The following TBC1D5 variants were observed in gnomAD, a reference collection of about 807,000 sequenced individuals.
TBC1D5 encodes TBC1 domain family, member 5.
In TBC1D5, 75 loss-of-function variants were observed where a neutral mutation model predicts 100.3. The observed-to-expected ratio is 0.75, with a 90% CI of 0.62 to 0.91. The LOEUF is 0.91. TBC1D5 is among the 40% of genes least tolerant of loss of function. The pLI is 0.00. For synonymous variants in TBC1D5, 323 were observed against 325.6 expected, an observed-to-expected ratio of 0.99 and a Z score of 0.09; for missense variants, 910 against 942.4, an observed-to-expected ratio of 0.97 and a Z score of 0.45.
chr3:17,543,481 A>T (rs575990239), intron 2 of TBC1D5, among the ~76,000 whole-genome samples: 49 of 152,116 alleles, frequency 3.2e-4, no homozygotes, highest in African/African-American at 1.2e-3. Context: ...AAAATAAAAA[A>T]ATAAAAATTA....
chr3:17,290,079 A>G lies in TBC1D5; in HGVS notation c.1245+1816T>C, dbSNP rs141451461. 3.1e-3 allele frequency among the ~76,000 whole-genome samples: 465 copies of G among 152,266 alleles called. 2 individuals are homozygous for G. Among genetic ancestry groups the G allele is most frequent in the African/African-American group, 0.011 (455 of 41,560 alleles). On this transcript the variant is annotated intron_variant, in intron 15 of 21. Coordinates refer to ENST00000253692, the Ensembl canonical transcript of TBC1D5. The stretch of plus-strand genomic sequence containing the variant: ...GCCTTTTAAATATGACTCCCTCATC[A>G]TGCCCAATTTATTATGTCCCAGGAA...
At chr3:17,396,317 AT>A (rs555925726) in intron 8 of TBC1D5, among the ~76,000 whole-genome samples, 6 of 149,944 alleles carry the variant, frequency 4.0e-5, no homozygotes, top group South Asian at 2.1e-4. Context: ...GGCAGCTTGT[AT>A]TTTTTTTTTC....
chr3:17,208,135 A>G (rs1374095390), intron 18 of TBC1D5, among the ~76,000 whole-genome samples: 1 of 152,232 alleles, frequency 6.6e-6, no homozygotes, highest in Non-Finnish European at 1.5e-5. Context: ...GTACCCAGTC[A>G]TAGGTTCTGG....
chr3:17,647,200 A>G (rs536729404), intron 1 of TBC1D5: 25 of 152,260 alleles, frequency 1.6e-4, no homozygotes, highest in African/African-American at 3.6e-4. Context: ...CATTTAACAC[A>G]TAAACACAGT....
chr3:17,730,191 C>G (rs2076444589), intron 1 of TBC1D5, among the ~76,000 whole-genome samples: 1 of 152,026 alleles, frequency 6.6e-6, no homozygotes, highest in South Asian at 2.1e-4. Context: ...ATTCATTCCA[C>G]AATTTTTGTA....
intron 3 of TBC1D5, among the ~76,000 whole-genome samples, chr3:17,449,272 C>T (rs1191715138): frequency 1.3e-5 from 2 of 152,216 alleles, no homozygotes; most frequent in Non-Finnish European, 2.9e-5. Flanking sequence ...GGTGTCTACA[C>T]CACCAGGGCC....
chr3:17,248,347 A>T (rs1354533098), intron 16 of TBC1D5, among the ~76,000 whole-genome samples: 1 of 152,166 alleles, frequency 6.6e-6, no homozygotes, highest in East Asian at 1.9e-4. Context: ...CTTCTTCTAA[A>T]ATCAACTTCT....
At chr3:17,256,541 A>G (rs768853584) in intron 16 of TBC1D5, among the ~76,000 whole-genome samples, 5 of 151,690 alleles carry the variant, frequency 3.3e-5, no homozygotes, top group Non-Finnish European at 7.4e-5. Flanking sequence ...GCTAAAGAGA[A>G]GAAAATCATG....
chr3:17,176,687 A>T (rs1297754106), intron 19 of TBC1D5, among the ~76,000 whole-genome samples: 1 of 152,050 alleles, frequency 6.6e-6, no homozygotes, highest in African/African-American at 2.4e-5. Context: ...TATTAGGAAA[A>T]ATACCTAATG....
In TBC1D5 at chr3:17,264,353, G is replaced by C. The variant is rs562810001; in HGVS notation, c.1246-5762C>G. On this transcript the variant is annotated intron_variant, in intron 15 of 21. Transcript: ENST00000253692. ...TAACTCCTGTTCTTTACTCCAAGGTGGTATCTCCATTTGAATCATCAAATA... is the reference window on the plus strand; with the variant it reads ...TAACTCCTGTTCTTTACTCCAAGGTCGTATCTCCATTTGAATCATCAAATA... 2.6e-4 allele frequency among the ~76,000 whole-genome samples: 40 copies of C among 152,132 alleles called. No individual in the cohort carries two copies. The South Asian group carries it at 7.9e-3, about 30-fold the overall frequency.
chr3:17,410,626 A>G (rs2093898587), intron 4 of TBC1D5, among the ~76,000 whole-genome samples: 1 of 152,132 alleles, frequency 6.6e-6, no homozygotes, highest in African/African-American at 2.4e-5. Flanking sequence ...AACATGAACA[A>G]GAGTTTTTAA....
At chr3:17,715,315 C>T (rs750123514) in intron 1 of TBC1D5, among the ~76,000 whole-genome samples, 5 of 152,124 alleles carry the variant, frequency 3.3e-5, no homozygotes, top group Non-Finnish European at 7.4e-5. Flanking sequence ...ATTAGTGGTT[C>T]CCATTTCTAT....
chr3:17,273,218 C>T (rs2079610002), intron 15 of TBC1D5, among the ~76,000 whole-genome samples: 1 of 152,134 alleles, frequency 6.6e-6, no homozygotes. Context: ...ATAATTCTGT[C>T]TTCTTACAGT....
chr3:17,509,779 C>CCT (rs2095882013), intron 2 of TBC1D5, among the ~76,000 whole-genome samples: 1 of 151,916 alleles, frequency 6.6e-6, no homozygotes, highest in African/African-American at 2.4e-5. Flanking sequence ...ATCTGTATCT[C>CCT]CAGTATAATA....
rs188197556 is a variant in TBC1D5, at chr3:17,386,630, T to G, written c.510-2615A>C. 1.5e-3 allele frequency among the ~76,000 whole-genome samples: 226 copies of G among 152,250 alleles called. 1 individual carries two copies. Among genetic ancestry groups the G allele is most frequent in the Admixed American group, 2.2e-3 (34 of 15,278 alleles). ...TGTTCAAATAAGGCAAACACCAACCTGTAACCAATCCAGCTGTTTCTGTAC... is the reference window on the plus strand; with the variant it reads ...TGTTCAAATAAGGCAAACACCAACCGGTAACCAATCCAGCTGTTTCTGTAC... On this transcript the variant is annotated intron_variant, in intron 8 of 21. Coordinates refer to ENST00000253692, the Ensembl canonical transcript of TBC1D5.
At chr3:17,446,275 C>T (rs1356849580) in intron 3 of TBC1D5, among the ~76,000 whole-genome samples, 1 of 152,020 alleles carries the variant, frequency 6.6e-6, no homozygotes, top group Non-Finnish European at 1.5e-5. Context: ...TGATAAGAAA[C>T]AAATCCTATT....
At chr3:17,169,055 C>CA (rs528080470) in intron 19 of TBC1D5, among the ~76,000 whole-genome samples, 61 of 152,330 alleles carry the variant, frequency 4.0e-4, no homozygotes, top group Non-Finnish European at 8.1e-4. Flanking sequence ...GTTGTTTCCT[C>CA]AGAGCAGCCT....
At chr3:17,466,070 G>A (rs571060411) in intron 3 of TBC1D5, among the ~76,000 whole-genome samples, 1 of 152,182 alleles carries the variant, frequency 6.6e-6, no homozygotes, top group Non-Finnish European at 1.5e-5. Context: ...CTGCCATCTT[G>A]CGTGGCATGA....
chr3:17,565,573 G>A (rs906600822), intron 2 of TBC1D5, among the ~76,000 whole-genome samples: 9 of 152,046 alleles, frequency 5.9e-5, no homozygotes, highest in African/African-American at 1.9e-4. Flanking sequence ...TTCAATTGCT[G>A]TTTCTGTTGA....
Sources: gnomAD v4.1 joint callset for allele counts (sites outside exome capture counted in the v4.1 genomes callset) on GRCh38, gnomAD v4.1.1 for gene constraint, MANE v1.5 for transcripts, NCBI Gene and HGNC (gene_info 2026-07-23, HGNC 2026-07-21) for gene names.